The following MAST4 variants were observed in gnomAD, a reference collection of about 807,000 sequenced individuals.
The protein encoded by MAST4 is microtubule-associated serine/threonine-protein kinase 4.
In MAST4, 89 loss-of-function variants were observed where a neutral mutation model predicts 162.7. The observed-to-expected ratio is 0.55, with a 90% CI of 0.46 to 0.65. The LOEUF (loss-of-function observed/expected upper bound fraction) is 0.65, where lower values mean the gene tolerates loss of function less well. Ranked by LOEUF, MAST4 falls within the 30% of genes least tolerant of loss-of-function variation. The pLI, the probability that MAST4 is intolerant of heterozygous loss-of-function variation, is 0.00. For missense variants in MAST4, 3,153 were observed against 3,374.0 expected (o/e 0.93, Z 1.62); for synonymous variants, 1,479 against 1,361.1 (o/e 1.09, Z -1.91).
chr5:66,840,405 A>G (rs1758336072), intron 3 of MAST4, among the ~76,000 whole-genome samples: 2 of 152,180 alleles, frequency 1.3e-5, no homozygotes, highest in South Asian at 4.1e-4. Flanking sequence ...TATATTCCAA[A>G]TATAGATTGT....
At chr5:66,805,528 A>G (rs934636850) in intron 3 of MAST4, among the ~76,000 whole-genome samples, 4 of 152,188 alleles carry the variant, frequency 2.6e-5, no homozygotes, top group African/African-American at 7.2e-5. Context: ...TGAGAAAAAA[A>G]TCATCCCTTG....
At chr5:66,867,458 G>A (rs1760614967) in intron 3 of MAST4, among the ~76,000 whole-genome samples, 1 of 152,196 alleles carries the variant, frequency 6.6e-6, no homozygotes, top group Non-Finnish European at 1.5e-5. Context: ...TAAAAAGTAT[G>A]ATCTGTAGTG....
intron 2 of MAST4, among the ~76,000 whole-genome samples, chr5:66,787,681 G>A (rs945027927): frequency 1.3e-5 from 2 of 152,216 alleles, no homozygotes; most frequent in Non-Finnish European, 2.9e-5. Context: ...TTCTGGAGAG[G>A]AATGAGGCTG....
intron 3 of MAST4, among the ~76,000 whole-genome samples, chr5:66,898,452 C>T (rs142808394): frequency 3.5e-4 from 53 of 151,714 alleles, no homozygotes; most frequent in East Asian, 7.7e-4. Context: ...ATTTATGTTT[C>T]GGTTCCCAAG....
chr5:66,886,615 G>A (rs530153886), intron 3 of MAST4, among the ~76,000 whole-genome samples: 2 of 150,918 alleles, frequency 1.3e-5, no homozygotes, highest in African/African-American at 4.9e-5. Context: ...ATCCAAGGCA[G>A]TCCAGTGTAA....
intron 4 of MAST4, among the ~76,000 whole-genome samples, chr5:66,917,707 A>G (rs1339588080): frequency 6.6e-6 from 1 of 151,570 alleles, no homozygotes; most frequent in Non-Finnish European, 1.5e-5. Context: ...AAGATGCCAT[A>G]TATATTTGGA....
At chr5:67,094,209 T>C in intron 6 of MAST4, 3 of 1,388,800 alleles carry the variant, frequency 2.2e-6, no homozygotes, top group Non-Finnish European at 3.0e-6. Context: ...TTCTGTGATT[T>C]GTCCACTTGA....
chr5:67,066,718 T>G (rs921494860), intron 5 of MAST4, among the ~76,000 whole-genome samples: 1 of 152,186 alleles, frequency 6.6e-6, no homozygotes, highest in African/African-American at 2.4e-5. Context: ...TCTGATTAGT[T>G]TCTCAGCTTA....
chr5:66,671,334 C>T (rs894866388), intron 1 of MAST4, among the ~76,000 whole-genome samples: 1 of 152,138 alleles, frequency 6.6e-6, no homozygotes, highest in Non-Finnish European at 1.5e-5. Flanking sequence ...TGCTGTGTTT[C>T]CAGCATCACA....
At chr5:66,820,218 A>G (rs1204617112) in intron 3 of MAST4, among the ~76,000 whole-genome samples, 1 of 152,186 alleles carries the variant, frequency 6.6e-6, no homozygotes, top group African/African-American at 2.4e-5. Context: ...TTAAAAAAAT[A>G]ATAATTTTCC....
chr5:66,820,393 C>A (rs1016890115), intron 3 of MAST4, among the ~76,000 whole-genome samples: 1 of 152,130 alleles, frequency 6.6e-6, no homozygotes, highest in Non-Finnish European at 1.5e-5. Context: ...AGGTATCATA[C>A]AATGACAATA....
chr5:67,047,224 G>A (rs1340346857), intron 4 of MAST4, among the ~76,000 whole-genome samples: 1 of 152,184 alleles, frequency 6.6e-6, no homozygotes, highest in Non-Finnish European at 1.5e-5. Flanking sequence ...CAAAAGTCAG[G>A]TTATGTTCAG....
chr5:67,018,074 C>T (rs1253289954), intron 4 of MAST4, among the ~76,000 whole-genome samples: 1 of 151,980 alleles, frequency 6.6e-6, no homozygotes, highest in Non-Finnish European at 1.5e-5. Context: ...ATCTAGGATA[C>T]TATGGTACAC....
At chr5:67,063,193 T>C (rs1759838552) in intron 5 of MAST4, among the ~76,000 whole-genome samples, 1 of 152,152 alleles carries the variant, frequency 6.6e-6, no homozygotes, top group African/African-American at 2.4e-5. Context: ...TTTGTGTAAT[T>C]GCCAATTGTT....
chr5:66,617,999 C>T (rs16895324), intron 1 of MAST4, among the ~76,000 whole-genome samples: 6,897 of 150,020 alleles, frequency 0.046, 511 homozygotes, highest in African/African-American at 0.16. Context: ...GCTTTGACAT[C>T]GTCTACACTG....
intron 4 of MAST4, among the ~76,000 whole-genome samples, chr5:66,980,488 C>G (rs1205840904): frequency 6.6e-6 from 1 of 152,146 alleles, no homozygotes; most frequent in Non-Finnish European, 1.5e-5. Flanking sequence ...CAGGATTGAT[C>G]CCACTGACTA....
At position 66,678,877 on chromosome 5, in the gene MAST4, C is replaced by T. The variant is rs547677732; in HGVS notation, c.364-80832C>T. Among the ~76,000 whole-genome samples, 349 of 150,844 alleles carry T rather than the reference C, an allele frequency of 2.3e-3. 1 individual carries two copies. Among genetic ancestry groups the T allele is most frequent in the African/African-American group, 8.2e-3 (335 of 41,054 alleles). On this transcript the variant is annotated intron_variant, in intron 1 of 28. Coordinates refer to ENST00000403625, the MANE Select transcript of MAST4 (RefSeq NM_001164664.2). ...CATGATCTCTGCCCATTGCAACCTC[C>T]GCCTCCTGGGTTTAAGCAATTCTCC... is the stretch of plus-strand genomic sequence containing the variant.
intron 1 of MAST4, among the ~76,000 whole-genome samples, chr5:66,679,809 C>T (rs78219569): frequency 0.025 from 3,731 of 152,134 alleles, 155 homozygotes; most frequent in African/African-American, 0.086. Flanking sequence ...CACCCTGCCA[C>T]GTGCACAACT....
At chr5:66,772,505 G>A (rs1357941876) in intron 2 of MAST4, among the ~76,000 whole-genome samples, 1 of 152,180 alleles carries the variant, frequency 6.6e-6, no homozygotes, top group Non-Finnish European at 1.5e-5. Context: ...ACTGGAATTG[G>A]TAAATTGCAC....
Sources: allele counts gnomAD v4.1 joint callset (sites outside exome capture counted in the v4.1 genomes callset), GRCh38; gene constraint gnomAD v4.1.1; transcripts MANE v1.5; gene names NCBI Gene and HGNC (gene_info 2026-07-23, HGNC 2026-07-21).